GLRA1: variants seen among roughly 807,000 people sequenced by gnomAD.
GLRA1 encodes glycine receptor subunit alpha-1.
In GLRA1, 37 loss-of-function variants were observed where a neutral mutation model predicts 48.3. That is an observed-to-expected ratio of 0.77 (90% confidence interval 0.59 to 1.01). GLRA1 has a LOEUF of 1.01. GLRA1 is among the 50% of genes least tolerant of loss of function. GLRA1 has a pLI of 0.00. For missense variants in GLRA1, 427 were observed against 571.0 expected (o/e 0.75, Z 2.57); for synonymous variants, 196 against 210.7 (o/e 0.93, Z 0.60).
chr5:151,881,328 T>C (rs1753756620), intron 3 of GLRA1, among the ~76,000 whole-genome samples: 1 of 151,162 alleles, frequency 6.6e-6, no homozygotes, highest in Admixed American at 6.6e-5. Context: ...TTTCCTTTTT[T>C]TTTTTTTTTG....
intron 1 of GLRA1, among the ~76,000 whole-genome samples, chr5:151,922,361 A>G (rs1754897545): frequency 6.6e-6 from 1 of 152,266 alleles, no homozygotes; most frequent in Non-Finnish European, 1.5e-5. Context: ...TTGAACAAAT[A>G]CAATCTGCTC....
intron 3 of GLRA1, among the ~76,000 whole-genome samples, chr5:151,880,821 A>G (rs1753742666): frequency 6.6e-6 from 1 of 152,236 alleles, no homozygotes. Flanking sequence ...TCAAATGCGG[A>G]TACATACTTA....
intron 1 of GLRA1, among the ~76,000 whole-genome samples, chr5:151,896,392 C>A (rs1452346975): frequency 6.6e-6 from 1 of 152,180 alleles, no homozygotes; most frequent in African/African-American, 2.4e-5. Context: ...AAGGGAAAGT[C>A]TTTGTGAATT....
At chr5:151,894,336 C>T (rs1581651750) in intron 1 of GLRA1, among the ~76,000 whole-genome samples, 1 of 152,178 alleles carries the variant, frequency 6.6e-6, no homozygotes, top group African/African-American at 2.4e-5. Flanking sequence ...ACCCTGGCCT[C>T]TTCCTTAAAA....
intron 1 of GLRA1, among the ~76,000 whole-genome samples, chr5:151,919,088 C>G (rs1754810112): frequency 6.6e-6 from 1 of 152,170 alleles, no homozygotes; most frequent in African/African-American, 2.4e-5. Context: ...ACAAGACTCT[C>G]TGGATTAACT....
chr5:151,912,212 AC>A (rs1443442870), intron 1 of GLRA1, among the ~76,000 whole-genome samples: 1 of 139,676 alleles, frequency 7.2e-6, no homozygotes, highest in East Asian at 2.1e-4. Flanking sequence ...TTATTCAAGC[AC>A]CCTCTCTCTG....
intron 1 of GLRA1, among the ~76,000 whole-genome samples, chr5:151,901,071 T>C (rs1754355042): frequency 6.6e-6 from 1 of 152,198 alleles, no homozygotes; most frequent in Non-Finnish European, 1.5e-5. Context: ...GGGGAAAATA[T>C]TTAATGTCTT....
At chr5:151,915,221 T>G (rs1030170596) in intron 1 of GLRA1, among the ~76,000 whole-genome samples, 10 of 152,174 alleles carry the variant, frequency 6.6e-5, no homozygotes, top group Non-Finnish European at 1.0e-4. Flanking sequence ...ACTCAATAAA[T>G]GCTAATGATT....
intron 1 of GLRA1, among the ~76,000 whole-genome samples, chr5:151,894,831 A>T (rs1453586314): frequency 6.6e-6 from 1 of 152,270 alleles, no homozygotes; most frequent in East Asian, 1.9e-4. Context: ...TTAGACAATT[A>T]TACACAGTAA....
At chr5:151,851,313 T>C (rs2113343066) in intron 7 of GLRA1, 77 bp downstream of exon 7, 1 of 937,084 alleles carries the variant, frequency 1.1e-6, no homozygotes, top group Non-Finnish European at 1.8e-6. Flanking sequence ...TTGCTCCCCA[T>C]GTTTTAGGCA....
intron 3 of GLRA1, among the ~76,000 whole-genome samples, chr5:151,883,417 G>A (rs866878823): frequency 2.9e-4 from 40 of 137,056 alleles, no homozygotes; most frequent in Middle Eastern, 3.6e-3. Context: ...TAGCAGTGTG[G>A]CACAGAACAA....
chr5:151,856,420 G>T, intron 4 of GLRA1, 37 bp from the exon 5 acceptor site: 2 of 1,324,392 alleles, frequency 1.5e-6, no homozygotes, highest in Non-Finnish European at 2.2e-6. Flanking sequence ...TGCAGGATCT[G>T]CACATCAGGG....
At chr5:151,904,713 G>A (rs375626980) in intron 1 of GLRA1, among the ~76,000 whole-genome samples, 1 of 152,174 alleles carries the variant, frequency 6.6e-6, no homozygotes, top group Non-Finnish European at 1.5e-5. Flanking sequence ...TGTAAAATGA[G>A]GGTGATAGTA....
chr5:151,826,122 G>T (rs1042200112), intron 8 of GLRA1, among the ~76,000 whole-genome samples: 1 of 152,166 alleles, frequency 6.6e-6, no homozygotes, highest in African/African-American at 2.4e-5. Context: ...AAATATCCCT[G>T]GTTAGAAGGG....
chr5:151,847,338 C>G (rs1367218052), intron 7 of GLRA1, among the ~76,000 whole-genome samples: 2 of 152,110 alleles, frequency 1.3e-5, no homozygotes, highest in African/African-American at 2.4e-5. Flanking sequence ...AATGAAGTAT[C>G]AAGTATTAAT....
intron 1 of GLRA1, among the ~76,000 whole-genome samples, chr5:151,916,443 A>G (rs1218797660): frequency 6.6e-6 from 1 of 152,246 alleles, no homozygotes; most frequent in Non-Finnish European, 1.5e-5. Context: ...CGCAGCTCTC[A>G]GAAGGCTGAA....
chr5:151,912,488 G>A (rs897945228), intron 1 of GLRA1, among the ~76,000 whole-genome samples: 2 of 152,338 alleles, frequency 1.3e-5, no homozygotes, highest in South Asian at 2.1e-4. Context: ...CTGTCAGAGA[G>A]CAAGGGAAAG....
chr5:151,848,728 C>T (rs1752745932), intron 7 of GLRA1, among the ~76,000 whole-genome samples: 1 of 152,196 alleles, frequency 6.6e-6, no homozygotes, highest in South Asian at 2.1e-4. Context: ...GAATATGTTG[C>T]TGTAATAAAT....
intron 6 of GLRA1, 32 bp from the exon 7 acceptor site, chr5:151,851,636 G>A (rs1176728379): frequency 2.7e-6 from 4 of 1,461,016 alleles, no homozygotes; most frequent in Non-Finnish European, 2.9e-6. Flanking sequence ...AGGCAGTGTA[G>A]CCTGGTGAAT....
Sources: allele counts gnomAD v4.1 joint callset (sites outside exome capture counted in the v4.1 genomes callset), GRCh38; gene constraint gnomAD v4.1.1; transcripts MANE v1.5; gene names NCBI Gene and HGNC (gene_info 2026-07-23, HGNC 2026-07-21).